The following MTUS1 variants were observed in gnomAD, a reference collection of about 807,000 sequenced individuals.
MTUS1 encodes the protein microtubule associated scaffold protein 1.
Under a neutral mutation model 120.8 loss-of-function variants are expected in MTUS1, and 109 were observed. The ratio of observed to expected loss-of-function variants is 0.90; its 90% CI spans 0.77 to 1.06. The LOEUF is 1.06. MTUS1 is among the 50% of genes least tolerant of loss of function. The pLI is 0.00. For missense variants in MTUS1, 2,210 were observed against 1,486.3 expected, an observed-to-expected ratio of 1.49 and a Z score of -8.01; for synonymous variants, 737 against 550.5, an observed-to-expected ratio of 1.34 and a Z score of -4.74.
intron 9 of MTUS1, chr8:17,654,975 G>A (rs572721724): frequency 1.3e-3 from 377 of 295,544 alleles, no homozygotes; most frequent in Non-Finnish European, 1.9e-3. Flanking sequence ...GGGATTCACC[G>A]CTCAACTCTC....
intron 6 of MTUS1, among the ~76,000 whole-genome samples, chr8:17,707,589 A>C (rs76544478): frequency 0.043 from 6,526 of 152,292 alleles, 147 homozygotes; most frequent in African/African-American, 0.063. Context: ...AATTGGAATT[A>C]TTAGATTACA....
At chr8:17,665,027 G>T (rs879510698) in intron 8 of MTUS1, among the ~76,000 whole-genome samples, 9 of 152,202 alleles carry the variant, frequency 5.9e-5, no homozygotes, top group Non-Finnish European at 1.2e-4. Context: ...TCTGCCAACA[G>T]TATAGATTGG....
chr8:17,658,018 T>TAGACACACACACAC (rs1329886904), intron 8 of MTUS1, among the ~76,000 whole-genome samples: 13 of 63,642 alleles, frequency 2.0e-4, no homozygotes, highest in Non-Finnish European at 4.2e-4. Context: ...ATACACTATA[T>TAGACACACACACAC]ATATAGACAC....
At chr8:17,787,858 A>G (rs572633693) in intron 1 of MTUS1, among the ~76,000 whole-genome samples, 41 of 152,326 alleles carry the variant, frequency 2.7e-4, no homozygotes, top group African/African-American at 9.4e-4. Flanking sequence ...ACAGTGGCTC[A>G]CACTGTAATC....
Position 17,732,763 on chromosome 8 carries a change from T to C in MTUS1, c.2288-8930A>G, listed in dbSNP as rs191354011. Among the ~76,000 whole-genome samples the C allele has an allele frequency of 3.9e-5, 6 of 152,218 alleles. No homozygotes were observed. The East Asian group carries it at 9.7e-4, about 25-fold the overall frequency. On this transcript the variant is annotated intron_variant, in intron 3 of 14. Coordinates refer to ENST00000693296, the MANE Select transcript of MTUS1 (RefSeq NM_001363059.2). ...CATTCTTCCATTGCTCACACCAACATGGTCATGTTCATCCGTGACTCCTCC... is the reference window on the plus strand; with the variant it reads ...CATTCTTCCATTGCTCACACCAACACGGTCATGTTCATCCGTGACTCCTCC...
At position 17,755,429 on chromosome 8, in the gene MTUS1, C is replaced by T. The variant is rs762301534; in HGVS notation, c.379G>A (p.Val127Ile). 3 of 1,614,106 alleles carry T rather than the reference C, an allele frequency of 1.9e-6. No individual in the cohort carries two copies. The highest frequency in any genetic ancestry group is 2.7e-5 in the African/African-American group (2 of 74,940). Residue 127 changes from valine to isoleucine, a missense_variant, in exon 2 of 15, where the codon GTT becomes ATT. Coordinates refer to ENST00000693296, the MANE Select transcript of MTUS1 (RefSeq NM_001363059.2). The part of the protein sequence containing the change: ...LQHSCHSLEA[V>I]EGQSVEPSLP... Reference sequence around the variant, plus strand: ...GATGGCTCAACACTCTGGCCCTCAACTGCTTCTAGGGAATGACAACTGTGT... The same window carrying T: ...GATGGCTCAACACTCTGGCCCTCAATTGCTTCTAGGGAATGACAACTGTGT...
At chr8:17,661,417 C>T (rs751101516) in intron 8 of MTUS1, among the ~76,000 whole-genome samples, 4 of 152,180 alleles carry the variant, frequency 2.6e-5, no homozygotes, top group Non-Finnish European at 5.9e-5. Context: ...TAAGTGAACT[C>T]AGGGACTCAG....
At position 17,654,852 on chromosome 8, in the gene MTUS1, G is replaced by C. The variant is rs763723213; in HGVS notation, c.3109-186C>G. On this transcript the variant is annotated intron_variant, in intron 9 of 14. Transcript: ENST00000693296. Reference sequence around the variant, plus strand: ...ACTTGTAACCTCAGCACTCTGGGAGGCAGAGGTGGAGGATCACTTGGAGCC... The same window carrying C: ...ACTTGTAACCTCAGCACTCTGGGAGCCAGAGGTGGAGGATCACTTGGAGCC... The C allele has an allele frequency of 9.2e-5, 54 of 584,096 alleles. No homozygotes were observed. In the Middle Eastern group the frequency reaches 1.1e-3, roughly 11 times the overall value. 36.2% of individuals were successfully genotyped at this position (584,096 alleles called of 1,614,324 possible). A position where few individuals can be genotyped will look rare whatever the true frequency, so the allele number is the denominator to read the frequency against.
chr8:17,782,444 C>T (rs1003565944), intron 1 of MTUS1, among the ~76,000 whole-genome samples: 4 of 152,090 alleles, frequency 2.6e-5, no homozygotes, highest in Admixed American at 6.5e-5. Context: ...GGAAACAAGA[C>T]TATAATAACT....
chr8:17,722,582 C>G (rs2131103517), intron 4 of MTUS1: 2 of 985,166 alleles, frequency 2.0e-6, no homozygotes, highest in African/African-American at 3.5e-5. Context: ...CATATGAGTC[C>G]AGCTACTGCT....
At chr8:17,748,799 C>T (rs2047965422) in intron 2 of MTUS1, among the ~76,000 whole-genome samples, 1 of 152,180 alleles carries the variant, frequency 6.6e-6, no homozygotes, top group Admixed American at 6.5e-5. Flanking sequence ...AACAGTATTA[C>T]CCACTGCACT....
At chr8:17,794,819 G>A (rs2052088605) in intron 1 of MTUS1, among the ~76,000 whole-genome samples, 1 of 152,158 alleles carries the variant, frequency 6.6e-6, no homozygotes, top group Admixed American at 6.5e-5. Context: ...GGGGAAGGGG[G>A]TAGGTCTATG....
chr8:17,777,552 C>G (rs964367645), intron 1 of MTUS1, among the ~76,000 whole-genome samples: 4 of 151,980 alleles, frequency 2.6e-5, no homozygotes, highest in Admixed American at 6.6e-5. Flanking sequence ...CACCCAAAAG[C>G]AGAGAAAGCA....
intron 9 of MTUS1, chr8:17,655,148 G>A (rs897003838): frequency 1.3e-5 from 2 of 156,908 alleles, no homozygotes; most frequent in East Asian, 1.9e-4. Flanking sequence ...TCAGGCCCTA[G>A]CATGTGCCTG....
At chr8:17,656,760 G>A (rs1046423256) in intron 8 of MTUS1, among the ~76,000 whole-genome samples, 3 of 151,822 alleles carry the variant, frequency 2.0e-5, no homozygotes, top group East Asian at 1.9e-4. Context: ...ACAAGAGCAG[G>A]AAAGACGAGG....
At chr8:17,791,017 C>A (rs547415777) in intron 1 of MTUS1, among the ~76,000 whole-genome samples, 5 of 152,064 alleles carry the variant, frequency 3.3e-5, no homozygotes, top group Non-Finnish European at 7.4e-5. Flanking sequence ...CATTTCAGCA[C>A]CAATGTATAG....
At chr8:17,664,611 G>A (rs1810490228) in intron 8 of MTUS1, among the ~76,000 whole-genome samples, 1 of 151,778 alleles carries the variant, frequency 6.6e-6, no homozygotes, top group Non-Finnish European at 1.5e-5. Flanking sequence ...TTCTTCAACA[G>A]TACATACCCA....
Position 17,742,269 on chromosome 8 carries a change from GTTTTTTTTTTTTGTTGTTGTTGTTT to G in MTUS1, c.2287+1310_2287+1334del, listed in dbSNP as rs1207431706. Among the ~76,000 whole-genome samples the G allele has an allele frequency of 9.6e-3, 915 of 94,908 alleles. 19 individuals carry two copies. Among genetic ancestry groups the G allele is most frequent in the South Asian group, 0.028 (72 of 2,606 alleles). The allele number at this position is 94,908 out of a possible 152,430, so 62.3% of individuals were successfully genotyped here. The stretch of plus-strand genomic sequence containing the variant: ...CACCATCATGCTCTCATGCCCAGCT[GTTTTTTTTTTTTGTTGTTGTTGTTT>G]TTTTTTTTTTTTTTTTTAGAGATAG... On this transcript the variant is annotated intron_variant, in intron 3 of 14. Coordinates refer to ENST00000693296, the MANE Select transcript of MTUS1 (RefSeq NM_001363059.2).
intron 1 of MTUS1, among the ~76,000 whole-genome samples, chr8:17,777,483 G>C (rs1475983793): frequency 2.0e-5 from 3 of 151,398 alleles, no homozygotes; most frequent in Admixed American, 1.3e-4. Flanking sequence ...CAGGCACAGT[G>C]TGTCCCTGGA....
Sources: gnomAD v4.1 joint callset for allele counts (sites outside exome capture counted in the v4.1 genomes callset) on GRCh38, gnomAD v4.1.1 for gene constraint, MANE v1.5 for transcripts, NCBI Gene and HGNC (gene_info 2026-07-23, HGNC 2026-07-21) for gene names.